PCDHA3: variants seen among roughly 807,000 people sequenced by gnomAD.
PCDHA3 encodes protocadherin alpha 3, also known as protocadherin alpha-3.
A neutral mutation model predicts 62.2 loss-of-function variants in PCDHA3; 41 were observed. That is an observed-to-expected ratio of 0.66 (90% CI 0.51 to 0.86). The LOEUF (loss-of-function observed/expected upper bound fraction) is 0.86, where lower values mean the gene tolerates loss of function less well. Among genes scored for constraint, PCDHA3 ranks in the 40% least tolerant of loss-of-function variants. The probability of loss-of-function intolerance (pLI) is 0.00; values close to 1 mark genes in which losing one functional copy is unlikely to be tolerated. For missense variants in PCDHA3, 1,304 were observed against 1,241.2 expected (o/e 1.05, Z -0.76); for synonymous variants, 640 against 555.4 (o/e 1.15, Z -2.14).
rs2150499479 is a variant in PCDHA3 at position 140,850,817 on chromosome 5, G to A, written c.2394+47226G>A. 3 of 1,598,296 alleles carry A rather than the reference G, an allele frequency of 1.9e-6. 1 individual carries two copies. The highest frequency in any genetic ancestry group is 2.6e-6 in the Non-Finnish European group (3 of 1,167,646). On this transcript the variant is annotated intron_variant, in intron 1 of 3. Transcript: ENST00000522353. ...AGACCGACCTCATGGCCTTCAGCCC[G>A]GGCCTTTCTCCTTGTGCTGGATCTA... is the stretch of plus-strand genomic sequence containing the variant.
intron 1 of PCDHA3, chr5:140,836,659 G>A: frequency 6.2e-7 from 1 of 1,613,452 alleles, no homozygotes; most frequent in South Asian, 1.1e-5. Flanking sequence ...CAGAGGGTGT[G>A]CTCTGGGGAG....
At chr5:140,896,450 C>G (rs1009231622) in intron 1 of PCDHA3, among the ~76,000 whole-genome samples, 5 of 152,092 alleles carry the variant, frequency 3.3e-5, no homozygotes, top group Admixed American at 1.3e-4. Flanking sequence ...GCAACCTCCA[C>G]CTCCTGGGTT....
At chr5:141,000,385 CTCTCTCTCTCTATA>C (rs1173975015) in intron 3 of PCDHA3, among the ~76,000 whole-genome samples, 30 of 64,968 alleles carry the variant, frequency 4.6e-4, no homozygotes, top group African/African-American at 1.8e-3. Context: ...CTCTCTCTCT[CTCTCTCTCTCTATA>C]TATATATATA....
At position 140,851,269 on chromosome 5, in the gene PCDHA3, T is replaced by C. The variant is rs1035284960; in HGVS notation, c.2394+47678T>C. ...GATGCATAGTATTTTAGTCTACTTG[T>C]ATTGTTTATAAGAAACCCAAGCAAA... is the stretch of plus-strand genomic sequence containing the variant. On this transcript the variant is annotated intron_variant, in intron 1 of 3. Transcript: ENST00000522353. 2.6e-5 allele frequency: 28 copies of C among 1,066,570 alleles called. No homozygotes were observed. In the South Asian group the frequency reaches 9.7e-4, roughly 37 times the overall value. The allele number at this position is 1,066,570 out of a possible 1,614,324, so 66.1% of individuals were successfully genotyped here. A position where few individuals can be genotyped will look rare whatever the true frequency, so the allele number is the denominator to read the frequency against.
At chr5:140,937,199 G>T (rs2091405017) in intron 1 of PCDHA3, among the ~76,000 whole-genome samples, 1 of 151,792 alleles carries the variant, frequency 6.6e-6, no homozygotes, top group African/African-American at 2.4e-5. Flanking sequence ...CACCATGCCC[G>T]GCTAATTTTT....
intron 1 of PCDHA3, among the ~76,000 whole-genome samples, chr5:140,949,308 G>T (rs1323575169): frequency 6.6e-6 from 1 of 151,722 alleles, no homozygotes; most frequent in African/African-American, 2.4e-5. Flanking sequence ...TGGGTGTAAT[G>T]ATTTATAAAT....
intron 1 of PCDHA3, among the ~76,000 whole-genome samples, chr5:140,936,092 C>T (rs941947685): frequency 1.3e-5 from 2 of 152,034 alleles, no homozygotes; most frequent in Admixed American, 6.6e-5. Context: ...AGGGTTTCAC[C>T]ATGTTGGCCA....
chr5:140,807,151 A>T, intron 1 of PCDHA3: 1 of 1,580,442 alleles, frequency 6.3e-7, no homozygotes, highest in Non-Finnish European at 8.6e-7. Context: ...ACTTTGAGAA[A>T]CGATATTTAA....
chr5:140,937,812 T>A (rs930837901), intron 1 of PCDHA3, among the ~76,000 whole-genome samples: 3 of 150,742 alleles, frequency 2.0e-5, no homozygotes, highest in Non-Finnish European at 4.4e-5. Flanking sequence ...CTCGGGAAGC[T>A]GAGGCAGGAG....
chr5:140,956,177 A>G (rs1261759530), intron 1 of PCDHA3, among the ~76,000 whole-genome samples: 6 of 152,192 alleles, frequency 3.9e-5, no homozygotes, highest in Non-Finnish European at 8.8e-5. Flanking sequence ...AGAACTTCCA[A>G]TACTATGCTG....
rs2150347815 is a variant in PCDHA3, at chr5:140,842,914, G to A, written c.2394+39323G>A. 19 of 1,594,548 alleles carry A rather than the reference G, an allele frequency of 1.2e-5. 2 individuals carry two copies. The highest frequency in any genetic ancestry group is 1.6e-5 in the Non-Finnish European group (19 of 1,165,450). On this transcript the variant is annotated intron_variant, in intron 1 of 3. Transcript: ENST00000522353. ...TGGACCACGAGGAGCTAGAGCTGCT[G>A]CAGTTCCAGGTGAGCGCGCGCGACG...
chr5:140,827,633 G>A (rs143632043), intron 1 of PCDHA3, among the ~76,000 whole-genome samples: 6 of 152,330 alleles, frequency 3.9e-5, no homozygotes, highest in African/African-American at 1.4e-4. Flanking sequence ...GTGTAGAATA[G>A]TTTACATTTC....
At chr5:140,912,511 T>C (rs2075947919) in intron 1 of PCDHA3, among the ~76,000 whole-genome samples, 1 of 152,158 alleles carries the variant, frequency 6.6e-6, no homozygotes, top group Non-Finnish European at 1.5e-5. Context: ...TGGATGAATC[T>C]TTAGGGTTTT....
In PCDHA3 at chr5:140,801,558, G is replaced by C. The variant is rs782460705; in HGVS notation, c.361G>C (p.Val121Leu). 1.2e-6 allele frequency: 2 copies of C among 1,614,278 alleles called. No individual in the cohort carries two copies. The highest frequency in any genetic ancestry group is 2.2e-5 in the South Asian group (2 of 91,090). Residue 121 changes from valine to leucine, a missense_variant, in exon 1 of 4, where the codon GTG (valine) becomes CTG (leucine). Physicochemically the swap from Val to Leu is conservative, Grantham distance 32. Coordinates refer to ENST00000522353, the MANE Select transcript of PCDHA3 (RefSeq NM_018906.3). Reference sequence around the variant, plus strand: ...GCCGCTGCAGGTTTTCCATGTGGAGGTGGAAGTGAAGGACATTAATGACAA... The same window carrying C: ...GCCGCTGCAGGTTTTCCATGTGGAGCTGGAAGTGAAGGACATTAATGACAA... ...DRPLQVFHVEVEVKDINDNAP... is the reference protein window; with the variant it reads ...DRPLQVFHVELEVKDINDNAP...
chr5:140,868,930 G>T, intron 1 of PCDHA3: 8 of 1,085,624 alleles, frequency 7.4e-6, no homozygotes, highest in Non-Finnish European at 1.0e-5. Context: ...TTCATTTAAA[G>T]GTTGGTCTGA....
intron 1 of PCDHA3, among the ~76,000 whole-genome samples, chr5:140,873,284 T>C (rs1554166661): frequency 1.3e-5 from 2 of 152,208 alleles, no homozygotes; most frequent in Non-Finnish European, 2.9e-5. Context: ...ATACCACTTA[T>C]GAAACTTTAT....
intron 1 of PCDHA3, chr5:140,882,756 G>T: frequency 6.2e-7 from 1 of 1,614,238 alleles, no homozygotes; most frequent in Non-Finnish European, 8.5e-7. Flanking sequence ...GCAGATATTG[G>T]AGTAAACTCG....
chr5:140,910,175 T>C (rs1296033470), intron 1 of PCDHA3, among the ~76,000 whole-genome samples: 1 of 152,240 alleles, frequency 6.6e-6, no homozygotes. Flanking sequence ...CCTCTGTTTT[T>C]ATAATTCAAA....
intron 1 of PCDHA3, among the ~76,000 whole-genome samples, chr5:140,964,317 G>A (rs1042787994): frequency 2.0e-5 from 3 of 152,218 alleles, no homozygotes; most frequent in Non-Finnish European, 4.4e-5. Context: ...GCCTAAAACA[G>A]CATAATGGAC....
Sources: allele counts gnomAD v4.1 joint callset (sites outside exome capture counted in the v4.1 genomes callset), GRCh38; gene constraint gnomAD v4.1.1; transcripts MANE v1.5; gene names NCBI Gene and HGNC (gene_info 2026-07-23, HGNC 2026-07-21).